The following SCAPER variants were observed in gnomAD, a reference collection of about 807,000 sequenced individuals.
SCAPER encodes S phase cyclin A-associated protein in the endoplasmic reticulum.
A neutral mutation model predicts 182.2 loss-of-function variants in SCAPER; 98 were observed. That is an observed-to-expected ratio of 0.54 (90% confidence interval 0.46 to 0.64). The LOEUF is 0.64. Among genes scored for constraint, SCAPER ranks in the 30% least tolerant of loss-of-function variants. The pLI is 0.00. For missense variants in SCAPER, 1,432 were observed against 1,690.0 expected, an observed-to-expected ratio of 0.85 and a Z score of 2.68; for synonymous variants, 605 against 564.6, an observed-to-expected ratio of 1.07 and a Z score of -1.01.
intron 23 of SCAPER, among the ~76,000 whole-genome samples, chr15:76,540,211 G>T (rs1472216204): frequency 6.6e-6 from 1 of 151,990 alleles, no homozygotes; most frequent in African/African-American, 2.4e-5. Context: ...GACCAGCCTG[G>T]GCAACATAGC....
chr15:76,800,462 A>G, intron 6 of SCAPER, 98 bp from the exon 7 acceptor site: 1 of 757,076 alleles, frequency 1.3e-6, no homozygotes, highest in Non-Finnish European at 2.2e-6. Context: ...AAATAATCCT[A>G]CTTTTCAACA....
intron 22 of SCAPER, among the ~76,000 whole-genome samples, chr15:76,620,680 T>C (rs914393818): frequency 1.3e-5 from 2 of 152,224 alleles, no homozygotes; most frequent in Admixed American, 1.3e-4. Flanking sequence ...CTTGGGGCAC[T>C]TAAATTGTTT....
chr15:76,871,470 C>A (rs1256285223), intron 2 of SCAPER, among the ~76,000 whole-genome samples: 2 of 147,512 alleles, frequency 1.4e-5, no homozygotes, highest in Admixed American at 6.8e-5. Flanking sequence ...AAATAAATAA[C>A]ACAGTCACCT....
intron 8 of SCAPER, among the ~76,000 whole-genome samples, chr15:76,789,949 C>A (rs1598746167): frequency 6.6e-6 from 1 of 152,120 alleles, no homozygotes; most frequent in African/African-American, 2.4e-5. Flanking sequence ...ATCAATGGGG[C>A]CGGGCGCGGT....
At chr15:76,711,169 C>T (rs527538577) in intron 17 of SCAPER, among the ~76,000 whole-genome samples, 1 of 152,114 alleles carries the variant, frequency 6.6e-6, no homozygotes, top group African/African-American at 2.4e-5. Context: ...ATATGAAAAC[C>T]ATTGTATATA....
At chr15:76,540,932 C>T (rs531431136) in intron 23 of SCAPER, among the ~76,000 whole-genome samples, 1 of 151,924 alleles carries the variant, frequency 6.6e-6, no homozygotes, top group Non-Finnish European at 1.5e-5. Context: ...ACCAGCCTGA[C>T]CAAGATGATG....
chr15:76,841,153 T>C (rs1287624132), intron 5 of SCAPER, among the ~76,000 whole-genome samples: 2 of 152,200 alleles, frequency 1.3e-5, no homozygotes, highest in Non-Finnish European at 2.9e-5. Context: ...CCCAGAACTA[T>C]GTGTCAAGAC....
chr15:76,526,853 A>G (rs1346021695), intron 23 of SCAPER, among the ~76,000 whole-genome samples: 1 of 151,658 alleles, frequency 6.6e-6, no homozygotes, highest in Non-Finnish European at 1.5e-5. Flanking sequence ...TCTTTTTCAA[A>G]TAGTTTTTTT....
chr15:76,545,645 G>A (rs2045212317), intron 23 of SCAPER, among the ~76,000 whole-genome samples: 1 of 152,096 alleles, frequency 6.6e-6, no homozygotes, highest in Non-Finnish European at 1.5e-5. Flanking sequence ...CCTAGGGGAA[G>A]GGAAATAAAT....
At chr15:76,766,698 A>C (rs956272389) in intron 11 of SCAPER, among the ~76,000 whole-genome samples, 2 of 152,230 alleles carry the variant, frequency 1.3e-5, no homozygotes, top group Non-Finnish European at 2.9e-5. Flanking sequence ...CAACTGTATC[A>C]TACATGAAAA....
chr15:76,395,250 G>C (rs189853066), intron 27 of SCAPER, among the ~76,000 whole-genome samples: 1 of 152,286 alleles, frequency 6.6e-6, no homozygotes, highest in African/African-American at 2.4e-5. Context: ...TTCATCTCCT[G>C]ATGGACACTT....
chr15:76,659,661 A>G (rs1449919329), intron 21 of SCAPER, among the ~76,000 whole-genome samples: 1 of 152,252 alleles, frequency 6.6e-6, no homozygotes, highest in Non-Finnish European at 1.5e-5. Context: ...AATGGAAATC[A>G]AAACCATAAT....
chr15:76,592,571 C>T (rs1374288486), intron 22 of SCAPER, among the ~76,000 whole-genome samples: 1 of 123,014 alleles, frequency 8.1e-6, no homozygotes, highest in African/African-American at 2.5e-5. Context: ...CAGCTCCCAG[C>T]GAGATCAACG....
At chr15:76,711,846 C>T (rs1381223668) in intron 17 of SCAPER, among the ~76,000 whole-genome samples, 2 of 152,082 alleles carry the variant, frequency 1.3e-5, no homozygotes, top group African/African-American at 4.8e-5. Flanking sequence ...AGCCCTTTGT[C>T]AGATGAGTAG....
intron 22 of SCAPER, among the ~76,000 whole-genome samples, chr15:76,610,124 G>A (rs2050846618): frequency 6.6e-6 from 1 of 152,110 alleles, no homozygotes; most frequent in Non-Finnish European, 1.5e-5. Context: ...GACCCCAAGA[G>A]CCTCTGCAAC....
At chr15:76,895,508 G>GA (rs56350083) in intron 1 of SCAPER, among the ~76,000 whole-genome samples, 144,076 of 148,526 alleles carry the variant, frequency 0.97, 69,983 homozygotes, top group East Asian at 1. Context: ...TCTTGACTAA[G>GA]AAAAAAAATA....
chr15:76,721,186 C>T (rs2060216473), intron 17 of SCAPER, among the ~76,000 whole-genome samples: 1 of 152,180 alleles, frequency 6.6e-6, no homozygotes, highest in African/African-American at 2.4e-5. Flanking sequence ...ATAGGGAATC[C>T]TTTCCCCATT....
At chr15:76,861,658 AT>A (rs1043637372) in intron 3 of SCAPER, among the ~76,000 whole-genome samples, 5 of 152,148 alleles carry the variant, frequency 3.3e-5, no homozygotes, top group Non-Finnish European at 7.3e-5. Context: ...AATATCTTCT[AT>A]TTTCTAAAGT....
At chr15:76,527,487 G>T (rs1051803922) in intron 23 of SCAPER, among the ~76,000 whole-genome samples, 1 of 152,188 alleles carries the variant, frequency 6.6e-6, no homozygotes, top group Admixed American at 6.5e-5. Context: ...AGGTGGCTTG[G>T]TTCAATTCTT....
Sources: allele counts gnomAD v4.1 joint callset (sites outside exome capture counted in the v4.1 genomes callset), GRCh38; gene constraint gnomAD v4.1.1; transcripts MANE v1.5; gene names NCBI Gene and HGNC (gene_info 2026-07-23, HGNC 2026-07-21).